RAP1GAP2: variants seen among roughly 807,000 people sequenced by gnomAD.
RAP1GAP2 encodes the protein RAP1 GTPase activating protein 2.
In RAP1GAP2, 27 loss-of-function variants were observed where a neutral mutation model predicts 95.0. That is an observed-to-expected ratio of 0.28 (90% CI 0.21 to 0.39). The LOEUF is 0.39. Among genes scored for constraint, RAP1GAP2 ranks in the 10% least tolerant of loss-of-function variants. The probability of loss-of-function intolerance (pLI) is 1.00; values close to 1 mark genes in which losing one functional copy is unlikely to be tolerated. For missense variants in RAP1GAP2, 771 were observed against 970.0 expected, an observed-to-expected ratio of 0.79 and a Z score of 2.72; for synonymous variants, 373 against 380.9, an observed-to-expected ratio of 0.98 and a Z score of 0.24.
chr17:2,776,354 T>G (rs186875169), upstream of RAP1GAP2, among the ~76,000 whole-genome samples: 2,460 of 151,180 alleles, frequency 0.016, 37 homozygotes, highest in Non-Finnish European at 0.023. Context: ...TCACCGCACC[T>G]CGGTTCCCCA....
At chr17:3,001,543 G>T (rs2046159465) in intron 14 of RAP1GAP2, among the ~76,000 whole-genome samples, 1 of 117,586 alleles carries the variant, frequency 8.5e-6, no homozygotes, top group South Asian at 2.6e-4. Context: ...AAGAAGCAGG[G>T]AGTGCAGGTC....
chr17:2,819,569 G>A (rs1239014987), intron 2 of RAP1GAP2, among the ~76,000 whole-genome samples: 1 of 151,802 alleles, frequency 6.6e-6, no homozygotes, highest in African/African-American at 2.4e-5. Flanking sequence ...TGCCTCCCGG[G>A]TTCCAGCGAC....
In RAP1GAP2 at chr17:2,855,604, T is replaced by TTTTA. The variant is rs919273491; in HGVS notation, c.81-49660_81-49657dup. Among the ~76,000 whole-genome samples, 37 of 152,240 alleles carry TTTTA rather than the reference T, an allele frequency of 2.4e-4. No homozygotes were observed. Among genetic ancestry groups the TTTTA allele is most frequent in the Admixed American group, 1.8e-3 (27 of 15,304 alleles). The stretch of plus-strand genomic sequence containing the variant: ...ATATGAAGTCACAAGAATTAATCTA[T>TTTTA]TTTATTTATTTATTTATTTATTTTT... On this transcript the variant is annotated intron_variant, in intron 2 of 24. Coordinates refer to ENST00000254695, the MANE Select transcript of RAP1GAP2 (RefSeq NM_015085.5). This position sits in a 1 kb window ranked among gnomAD's most constrained non-coding sequence, Gnocchi z 4.3.
At chr17:2,944,395 A>G (rs7207322) in intron 3 of RAP1GAP2, among the ~76,000 whole-genome samples, 96,673 of 152,058 alleles carry the variant, frequency 0.64, 34,333 homozygotes, top group Non-Finnish European at 0.8. Flanking sequence ...TGAAAAGACT[A>G]TTCTTTCCCT....
chr17:2,944,020 G>A (rs1415713115), intron 3 of RAP1GAP2, among the ~76,000 whole-genome samples: 7 of 152,052 alleles, frequency 4.6e-5, no homozygotes, highest in South Asian at 2.1e-4. Flanking sequence ...GGTGGTGTCC[G>A]CCCCTGTAAT....
chr17:2,923,860 C>T (rs1302360777), intron 3 of RAP1GAP2, among the ~76,000 whole-genome samples: 1 of 152,226 alleles, frequency 6.6e-6, no homozygotes, highest in Admixed American at 6.5e-5. Context: ...ATCTTGGCAT[C>T]ATACACATAG....
rs1230207855 is a variant in RAP1GAP2 at position 2,796,891 on chromosome 17, C to T, written c.44+320C>T. 3.3e-5 allele frequency among the ~76,000 whole-genome samples: 5 copies of T among 151,852 alleles called. No individual in the cohort carries two copies. The highest frequency in any genetic ancestry group is 4.4e-5 in the Non-Finnish European group (3 of 67,968). On this transcript the variant is annotated intron_variant, in intron 1 of 24. Coordinates refer to ENST00000254695, the MANE Select transcript of RAP1GAP2 (RefSeq NM_015085.5). This position sits in a 1 kb window ranked among gnomAD's most constrained non-coding sequence, Gnocchi z 4.7. The stretch of plus-strand genomic sequence containing the variant: ...CCGCAGGTTCCCATGTATGTGTGTG[C>T]GTGTCTGGGATTATGTGTAAGTGTG...
chr17:2,799,897 A>G (rs1053709933), intron 1 of RAP1GAP2, among the ~76,000 whole-genome samples: 3 of 151,958 alleles, frequency 2.0e-5, no homozygotes, highest in Non-Finnish European at 2.9e-5. Context: ...GGGATGGAGG[A>G]GCTGGCTGTG....
rs1422858747 is a variant in RAP1GAP2 at position 3,005,287 on chromosome 17, A to C, written c.1201-82A>C. 3.8e-6 allele frequency: 5 copies of C among 1,320,652 alleles called. No individual in the cohort carries two copies. The highest frequency in any genetic ancestry group is 1.7e-5 in the Admixed American group (1 of 59,564). 81.8% of individuals were successfully genotyped at this position (1,320,652 alleles called of 1,614,324 possible). ...GAAGAGGAGGAGGGAGAAGGTGAGTAGCTTTGTAAGGAGCGTGGCTCCCGT... is the reference window on the plus strand; with the variant it reads ...GAAGAGGAGGAGGGAGAAGGTGAGTCGCTTTGTAAGGAGCGTGGCTCCCGT... On this transcript the variant is annotated intron_variant, in intron 14 of 24. Transcript: ENST00000254695. This position sits in a 1 kb window ranked among gnomAD's most constrained non-coding sequence, Gnocchi z 5.2.
intron 12 of RAP1GAP2, among the ~76,000 whole-genome samples, chr17:2,994,845 C>T (rs559147439): frequency 6.6e-6 from 1 of 152,328 alleles, no homozygotes; most frequent in Non-Finnish European, 1.5e-5. Context: ...TGGAGTCTTG[C>T]TCTTGTTGCC....
At position 3,036,556 on chromosome 17, in the gene RAP1GAP2, T is replaced by C. The variant is rs1390782555; in HGVS notation, c.*3195T>C. The C allele has an allele frequency of 6.6e-6, 1 of 152,284 alleles. No homozygotes were observed. The highest frequency in any genetic ancestry group is 1.5e-5 in the Non-Finnish European group (1 of 68,110). 9.4% of individuals were successfully genotyped at this position (152,284 alleles called of 1,614,324 possible). A position where few individuals can be genotyped will look rare whatever the true frequency, so the allele number is the denominator to read the frequency against. ...TTTTTCAGTGAGGACCCTTGGGCTTTGGATGCAGCTTGAACCAAGAAAACG... is the reference window on the plus strand; with the variant it reads ...TTTTTCAGTGAGGACCCTTGGGCTTCGGATGCAGCTTGAACCAAGAAAACG... On this transcript the variant is annotated 3_prime_UTR_variant, in exon 25 of 25. Coordinates refer to ENST00000254695, the MANE Select transcript of RAP1GAP2 (RefSeq NM_015085.5).
intron 2 of RAP1GAP2, among the ~76,000 whole-genome samples, chr17:2,852,645 G>T (rs945934890): frequency 6.6e-6 from 1 of 152,248 alleles, no homozygotes; most frequent in Admixed American, 6.5e-5. Context: ...GCCTCAGGGG[G>T]AACCTCTTCG....
upstream of RAP1GAP2, among the ~76,000 whole-genome samples, chr17:2,776,037 G>A (rs764574726): frequency 1.3e-5 from 2 of 152,208 alleles, no homozygotes; most frequent in African/African-American, 2.4e-5. Context: ...AAAGTAGCCG[G>A]GTATGGTGGC....
chr17:2,810,651 C>T (rs1315279026), intron 2 of RAP1GAP2, among the ~76,000 whole-genome samples: 1 of 149,344 alleles, frequency 6.7e-6, no homozygotes, highest in African/African-American at 2.5e-5. Flanking sequence ...CTGCCTTAGG[C>T]TCCTGAGTAG....
chr17:2,799,479 C>T (rs886584619), intron 1 of RAP1GAP2, among the ~76,000 whole-genome samples: 1 of 152,150 alleles, frequency 6.6e-6, no homozygotes. Context: ...CTCTCCTCTT[C>T]CCTGGAGCTG....
chr17:2,806,376 T>TTTTTTATTATTA (rs150744972), intron 2 of RAP1GAP2, among the ~76,000 whole-genome samples: 2 of 139,942 alleles, frequency 1.4e-5, no homozygotes, highest in African/African-American at 2.7e-5. Flanking sequence ...CTACAACCTT[T>TTTTTTATTATTA]TTATTATTAT....
At chr17:2,812,800 A>G (rs1182978274) in intron 2 of RAP1GAP2, among the ~76,000 whole-genome samples, 1 of 151,794 alleles carries the variant, frequency 6.6e-6, no homozygotes, top group African/African-American at 2.4e-5. Context: ...GACCAGCCTG[A>G]CCAATATAAT....
upstream of RAP1GAP2, among the ~76,000 whole-genome samples, chr17:2,792,279 T>G (rs2068945989): frequency 6.6e-6 from 1 of 152,196 alleles, no homozygotes; most frequent in African/African-American, 2.4e-5. Flanking sequence ...TGCGCGGGAC[T>G]GAAGCAGGGA....
rs1205195812 is a variant in RAP1GAP2, at chr17:3,036,097, A to G, written c.*2736A>G. The G allele has an allele frequency of 6.6e-6, 1 of 152,274 alleles. No homozygotes were observed. The highest frequency in any genetic ancestry group is 6.5e-5 in the Admixed American group (1 of 15,282). 9.4% of individuals were successfully genotyped at this position (152,274 alleles called of 1,614,324 possible). On this transcript the variant is annotated 3_prime_UTR_variant, in exon 25 of 25. Transcript: ENST00000254695. ...TCAGTTGACGCTTAAAAACAGGTGCAGAAAAGCTCGCGATGGAAGGTCTTA... is the reference window on the plus strand; with the variant it reads ...TCAGTTGACGCTTAAAAACAGGTGCGGAAAAGCTCGCGATGGAAGGTCTTA...
Sources: gnomAD v4.1 joint callset for allele counts (sites outside exome capture counted in the v4.1 genomes callset) on GRCh38, gnomAD v4.1.1 for gene constraint, Gnocchi (gnomAD v3.1) non-coding constraint, MANE v1.5 for transcripts, NCBI Gene and HGNC (gene_info 2026-07-23, HGNC 2026-07-21) for gene names.